RAI1: variants seen among roughly 807,000 people sequenced by gnomAD.
The protein encoded by RAI1 is retinoic acid induced 1.
RAI1 carries 9 observed loss-of-function variants against 123.8 expected under a neutral mutation model. That is an observed-to-expected ratio of 0.07 (90% CI 0.04 to 0.13). The LOEUF is 0.13. Among genes scored for constraint, RAI1 ranks in the 10% least tolerant of loss-of-function variants. The pLI, the probability that RAI1 is intolerant of heterozygous loss-of-function variation, is 1.00. For missense variants in RAI1, 2,256 were observed against 2,545.8 expected (o/e 0.89, Z 2.45); for synonymous variants, 1,231 against 1,127.3 (o/e 1.09, Z -1.84).
chr17:17,687,256 G>T (rs760204544), intron 1 of RAI1, among the ~76,000 whole-genome samples: 1 of 152,166 alleles, frequency 6.6e-6, no homozygotes, highest in Non-Finnish European at 1.5e-5. Context: ...CATGGGGTAG[G>T]GGGCAGGGAA....
chr17:17,781,735 A>G (rs2031588009), intron 2 of RAI1, among the ~76,000 whole-genome samples: 1 of 152,182 alleles, frequency 6.6e-6, no homozygotes, highest in African/African-American at 2.4e-5. Flanking sequence ...GTCTGCCTCA[A>G]AGTTGTTGGT....
At chr17:17,710,409 G>A (rs1183229021) in intron 1 of RAI1, among the ~76,000 whole-genome samples, 1 of 152,218 alleles carries the variant, frequency 6.6e-6, no homozygotes, top group Non-Finnish European at 1.5e-5. Context: ...CTGCGGCCAT[G>A]AGGAGGGGTT....
intron 2 of RAI1, among the ~76,000 whole-genome samples, chr17:17,743,846 G>A (rs997775256): frequency 4.6e-5 from 7 of 152,242 alleles, no homozygotes; most frequent in African/African-American, 7.2e-5. Context: ...GCATAGGAGG[G>A]CCAAGGACAT....
At chr17:17,705,960 G>A (rs1018270737) in intron 1 of RAI1, among the ~76,000 whole-genome samples, 1 of 141,324 alleles carries the variant, frequency 7.1e-6, no homozygotes, top group African/African-American at 2.6e-5. Flanking sequence ...GGAGGCAGAA[G>A]TTGCAGTGAG....
chr17:17,682,736 C>T (rs1265978225), intron 1 of RAI1, among the ~76,000 whole-genome samples: 1 of 152,166 alleles, frequency 6.6e-6, no homozygotes, highest in African/African-American at 2.4e-5. Flanking sequence ...TCCTGGGGCG[C>T]CCGTTTTCCC....
At chr17:17,730,516 T>C (rs1435705511) in intron 2 of RAI1, among the ~76,000 whole-genome samples, 1 of 152,214 alleles carries the variant, frequency 6.6e-6, no homozygotes, top group African/African-American at 2.4e-5. Context: ...GGATTAGATG[T>C]TGACATGACA....
At chr17:17,695,459 C>T (rs925509876) in intron 1 of RAI1, among the ~76,000 whole-genome samples, 6 of 152,250 alleles carry the variant, frequency 3.9e-5, no homozygotes, top group Middle Eastern at 3.4e-3. Flanking sequence ...TGTCCCCACC[C>T]GGCCTTCTCG....
At chr17:17,776,257 A>AT (rs913056489) in intron 2 of RAI1, among the ~76,000 whole-genome samples, 1 of 152,150 alleles carries the variant, frequency 6.6e-6, no homozygotes, top group African/African-American at 2.4e-5. Flanking sequence ...AAACCAGGTT[A>AT]TTTTTTCAGT....
At chr17:17,707,382 G>A (rs190301788) in intron 1 of RAI1, among the ~76,000 whole-genome samples, 1 of 152,276 alleles carries the variant, frequency 6.6e-6, no homozygotes, top group East Asian at 1.9e-4. Context: ...GTTTTAAATT[G>A]GAGTGCCAGG....
intron 2 of RAI1, among the ~76,000 whole-genome samples, chr17:17,764,869 C>A (rs945028143): frequency 1.3e-5 from 2 of 152,254 alleles, no homozygotes; most frequent in African/African-American, 4.8e-5. Flanking sequence ...GGATTATAGG[C>A]ATGAGCCACC....
chr17:17,682,523 G>T (rs1914467987), intron 1 of RAI1: 1 of 152,140 alleles, frequency 6.6e-6, no homozygotes, highest in African/African-American at 2.4e-5. Context: ...GCAGCCCGCC[G>T]CCCTTTTCGA....
Position 17,747,967 on chromosome 17 carries a change from G to C in RAI1, c.-17+23808G>C, listed in dbSNP as rs549527512. Among the ~76,000 whole-genome samples, 8 of 152,294 alleles carry C rather than the reference G, an allele frequency of 5.3e-5. No individual in the cohort carries two copies. The East Asian group carries it at 1.4e-3, about 26-fold the overall frequency. On this transcript the variant is annotated intron_variant, in intron 2 of 5. Transcript: ENST00000353383. Reference sequence around the variant, plus strand: ...GTGGTCCCAGCTACTTGGAGGCTAAGGCTGGAAGATCACTTGAGCCTGGGA... The same window carrying C: ...GTGGTCCCAGCTACTTGGAGGCTAACGCTGGAAGATCACTTGAGCCTGGGA...
rs1333640239 is a variant in RAI1, at chr17:17,798,144, C to G, written c.5196C>G (p.Ala1732=). ...KVRPEGTCEE[A]SLPLERTLKG... ...GGCCAGAAGGCACCTGTGAGGAGGC[C>G]TCGCTGCCGCTTGAGAGAACACTCA... Residue 1732 remains alanine, a synonymous_variant, in exon 3 of 6, where the codon GCC becomes GCG. Coordinates refer to ENST00000353383, the MANE Select transcript of RAI1 (RefSeq NM_030665.4). The G allele has an allele frequency of 2.5e-6, 4 of 1,613,594 alleles. No individual in the cohort carries two copies. Among genetic ancestry groups the G allele is most frequent in the Admixed American group, 1.7e-5 (1 of 60,032 alleles).
chr17:17,698,482 C>G (rs569189364), intron 1 of RAI1, among the ~76,000 whole-genome samples: 13 of 152,346 alleles, frequency 8.5e-5, no homozygotes, highest in South Asian at 6.2e-4. Context: ...CGGTCTCCCC[C>G]TCCCCCCACA....
rs2031006014 is a variant in RAI1 at position 17,767,982 on chromosome 17, C to G, written c.-16-24951C>G. 3.3e-5 allele frequency among the ~76,000 whole-genome samples: 5 copies of G among 152,228 alleles called. 1 individual carries two copies. In the South Asian group the frequency reaches 1.0e-3, roughly 32 times the overall value. ...ACTTTGCCTCTCTGAACCCCTATCTCTTAAGCTCCAGAACCGGGTGGTTGT... is the reference window on the plus strand; with the variant it reads ...ACTTTGCCTCTCTGAACCCCTATCTGTTAAGCTCCAGAACCGGGTGGTTGT... On this transcript the variant is annotated intron_variant, in intron 2 of 5. Transcript: ENST00000353383.
At chr17:17,757,111 G>GA (rs1024198718) in intron 2 of RAI1, among the ~76,000 whole-genome samples, 2 of 152,160 alleles carry the variant, frequency 1.3e-5, no homozygotes, top group African/African-American at 4.8e-5. Context: ...CACATGCTTG[G>GA]AGCGGGGTCC....
chr17:17,748,721 G>C lies in RAI1; in HGVS notation c.-17+24562G>C, dbSNP rs73295661. On this transcript the variant is annotated intron_variant, in intron 2 of 5. Coordinates refer to ENST00000353383, the MANE Select transcript of RAI1 (RefSeq NM_030665.4). ...GAAACAGTGTACGCACGCGTATGTC[G>C]GTGGGGCACTGTGGTGTGGAGGGCT... Among the ~76,000 whole-genome samples, 1,016 of 152,300 alleles carry C rather than the reference G, an allele frequency of 6.7e-3. 12 individuals are homozygous for C. The highest frequency in any genetic ancestry group is 0.023 in the African/African-American group (962 of 41,552).
intron 1 of RAI1, among the ~76,000 whole-genome samples, chr17:17,713,968 T>C (rs1330934597): frequency 6.6e-6 from 1 of 152,112 alleles, no homozygotes; most frequent in African/African-American, 2.4e-5. Flanking sequence ...TCACATGGCC[T>C]TGGTCAAGTC....
At chr17:17,727,300 C>T (rs1437039445) in intron 2 of RAI1, among the ~76,000 whole-genome samples, 3 of 152,218 alleles carry the variant, frequency 2.0e-5, no homozygotes, top group South Asian at 2.1e-4. Flanking sequence ...AGAGGGGAAG[C>T]GAGTCCCAAG....
Sources: allele counts gnomAD v4.1 joint callset (sites outside exome capture counted in the v4.1 genomes callset), GRCh38; gene constraint gnomAD v4.1.1; transcripts MANE v1.5; gene names NCBI Gene and HGNC (gene_info 2026-07-23, HGNC 2026-07-21).